The following HS3ST4 variants were observed in gnomAD, a reference collection of about 807,000 sequenced individuals.
The protein encoded by HS3ST4 is heparan sulfate glucosamine 3-O-sulfotransferase 4.
A neutral mutation model predicts 29.2 loss-of-function variants in HS3ST4; 17 were observed. The observed-to-expected ratio is 0.58, with a 90% CI of 0.40 to 0.87. The LOEUF is 0.87. HS3ST4 is among the 40% of genes least tolerant of loss of function. HS3ST4 has a pLI of 0.00. For synonymous variants in HS3ST4, 314 were observed against 285.7 expected, an observed-to-expected ratio of 1.10 and a Z score of -1.00; for missense variants, 627 against 634.5, an observed-to-expected ratio of 0.99 and a Z score of 0.13.
chr16:25,931,867 A>C (rs1968467008), intron 1 of HS3ST4, among the ~76,000 whole-genome samples: 1 of 152,184 alleles, frequency 6.6e-6, no homozygotes, highest in Admixed American at 6.5e-5. Context: ...AAGTCTTCCC[A>C]GCTTGGAGGG....
At chr16:25,710,928 A>G (rs1048574448) in intron 1 of HS3ST4, among the ~76,000 whole-genome samples, 5 of 144,728 alleles carry the variant, frequency 3.5e-5, no homozygotes, top group African/African-American at 1.3e-4. Flanking sequence ...GTGATCCTCC[A>G]GCCTCAGCCT....
intron 1 of HS3ST4, among the ~76,000 whole-genome samples, chr16:25,990,625 A>G (rs1351612982): frequency 6.6e-6 from 1 of 152,206 alleles, no homozygotes; most frequent in Non-Finnish European, 1.5e-5. Context: ...GGAGGAATTA[A>G]TCTTCACTGT....
intron 1 of HS3ST4, among the ~76,000 whole-genome samples, chr16:25,763,377 T>G (rs1966800378): frequency 6.6e-6 from 1 of 152,154 alleles, no homozygotes; most frequent in South Asian, 2.1e-4. Context: ...CCTAGCAGAC[T>G]TCTACCAGAT....
intron 1 of HS3ST4, among the ~76,000 whole-genome samples, chr16:25,808,825 A>G (rs1459269566): frequency 7.6e-6 from 1 of 132,200 alleles, no homozygotes; most frequent in Admixed American, 7.3e-5. Context: ...TACAGATACT[A>G]TACCTATTAA....
At chr16:26,122,950 A>G (rs549297550) in intron 1 of HS3ST4, among the ~76,000 whole-genome samples, 61 of 151,838 alleles carry the variant, frequency 4.0e-4, no homozygotes, top group African/African-American at 1.4e-3. Context: ...GCTACTCGGG[A>G]GGCTAAGGCA....
intron 1 of HS3ST4, among the ~76,000 whole-genome samples, chr16:26,055,868 G>A (rs1211175373): frequency 6.6e-6 from 1 of 152,148 alleles, no homozygotes; most frequent in Non-Finnish European, 1.5e-5. Context: ...CATTTGGGCA[G>A]TGAAGCTTTG....
chr16:25,959,744 A>T (rs983580592), intron 1 of HS3ST4, among the ~76,000 whole-genome samples: 1 of 151,990 alleles, frequency 6.6e-6, no homozygotes. Flanking sequence ...AATGTTGGGG[A>T]TGGGGCCTGG....
At chr16:26,108,605 TG>T (rs1899087684) in intron 1 of HS3ST4, among the ~76,000 whole-genome samples, 2 of 152,310 alleles carry the variant, frequency 1.3e-5, no homozygotes, top group Admixed American at 1.3e-4. Flanking sequence ...TTTCTTTATT[TG>T]TAAAATAGAA....
chr16:25,895,186 G>A lies in HS3ST4; in HGVS notation c.734+202035G>A, dbSNP rs116306030. Among the ~76,000 whole-genome samples, 890 of 152,032 alleles carry A rather than the reference G, an allele frequency of 5.9e-3. 9 individuals carry two copies. Among genetic ancestry groups the A allele is most frequent in the African/African-American group, 0.021 (865 of 41,478 alleles). ...GCTCACAAGTGTGTGCGTGTGTGTG[G>A]CAGTTCTGGACCATGGTAACCATGC... On this transcript the variant is annotated intron_variant, in intron 1 of 1. Coordinates refer to ENST00000331351, the MANE Select transcript of HS3ST4 (RefSeq NM_006040.3).
At chr16:25,770,444 G>A (rs986576417) in intron 1 of HS3ST4, among the ~76,000 whole-genome samples, 2 of 152,116 alleles carry the variant, frequency 1.3e-5, no homozygotes, top group Admixed American at 6.5e-5. Context: ...CTTATAGATC[G>A]AAAGACTAAC....
At chr16:25,907,455 C>T (rs1968190357) in intron 1 of HS3ST4, among the ~76,000 whole-genome samples, 1 of 152,022 alleles carries the variant, frequency 6.6e-6, no homozygotes, top group Non-Finnish European at 1.5e-5. Context: ...CAGCCATGCA[C>T]CTTGGAGCTT....
At chr16:26,117,494 A>G (rs1427380497) in intron 1 of HS3ST4, among the ~76,000 whole-genome samples, 1 of 152,220 alleles carries the variant, frequency 6.6e-6, no homozygotes, top group African/African-American at 2.4e-5. Context: ...TTGCCTTCCC[A>G]GAGACTGGAG....
chr16:26,029,516 G>A (rs1362844003), intron 1 of HS3ST4, among the ~76,000 whole-genome samples: 1 of 152,016 alleles, frequency 6.6e-6, no homozygotes, highest in Non-Finnish European at 1.5e-5. Flanking sequence ...GGGTTCAAGT[G>A]ATTCTCCTGC....
At chr16:25,927,069 A>G (rs1349747971) in intron 1 of HS3ST4, among the ~76,000 whole-genome samples, 1 of 152,096 alleles carries the variant, frequency 6.6e-6, no homozygotes, top group East Asian at 1.9e-4. Flanking sequence ...TCTAAAAGAA[A>G]AAAAAAAGAA....
At chr16:26,041,962 T>A (rs952359468) in intron 1 of HS3ST4, among the ~76,000 whole-genome samples, 1 of 152,186 alleles carries the variant, frequency 6.6e-6, no homozygotes. Flanking sequence ...TGCATTATAA[T>A]GCAGGTCATT....
intron 1 of HS3ST4, among the ~76,000 whole-genome samples, chr16:25,703,495 T>C (rs1305429067): frequency 6.6e-6 from 1 of 152,232 alleles, no homozygotes; most frequent in Non-Finnish European, 1.5e-5. Flanking sequence ...TCGCTCAAAC[T>C]GTGGAGTTGG....
intron 1 of HS3ST4, among the ~76,000 whole-genome samples, chr16:26,023,581 T>A (rs1969437268): frequency 1.3e-5 from 2 of 152,000 alleles, no homozygotes; most frequent in African/African-American, 4.8e-5. Context: ...TTTATTTTAT[T>A]TTTTTGTAGA....
intron 1 of HS3ST4, among the ~76,000 whole-genome samples, chr16:26,082,272 C>T (rs1596674331): frequency 6.6e-6 from 1 of 152,216 alleles, no homozygotes; most frequent in East Asian, 1.9e-4. Context: ...AAGAGCCACA[C>T]TTCCCAGGCT....
At chr16:25,988,740 A>G (rs1432490578) in intron 1 of HS3ST4, among the ~76,000 whole-genome samples, 1 of 152,122 alleles carries the variant, frequency 6.6e-6, no homozygotes, top group Non-Finnish European at 1.5e-5. Context: ...GGAGAGAATC[A>G]GGAAAAATAA....
Sources: allele counts gnomAD v4.1 joint callset (sites outside exome capture counted in the v4.1 genomes callset), GRCh38; gene constraint gnomAD v4.1.1; transcripts MANE v1.5; gene names NCBI Gene and HGNC (gene_info 2026-07-23, HGNC 2026-07-21).